FAM78B: variants seen among roughly 807,000 people sequenced by gnomAD.
FAM78B encodes the protein family with sequence similarity 78 member B.
FAM78B carries 10 observed loss-of-function variants against 20.0 expected under a neutral mutation model. That is an observed-to-expected ratio of 0.50 (90% CI 0.31 to 0.85). FAM78B has a LOEUF of 0.85. FAM78B is among the 40% of genes least tolerant of loss of function. The pLI is 0.05. For synonymous variants in FAM78B, 135 were observed against 132.8 expected (o/e 1.02, Z -0.12); for missense variants, 283 against 345.0 (o/e 0.82, Z 1.42).
intron 1 of FAM78B, among the ~76,000 whole-genome samples, chr1:166,082,446 T>C: frequency 6.6e-6 from 1 of 152,190 alleles, no homozygotes. Context: ...GCTCAAATGA[T>C]CTTCCTGCCT....
chr1:166,116,628 G>C (rs982061309), intron 1 of FAM78B, among the ~76,000 whole-genome samples: 1 of 152,144 alleles, frequency 6.6e-6, no homozygotes, highest in African/African-American at 2.4e-5. Flanking sequence ...TTTTTCTCTA[G>C]GACCCTTCAG....
intron 1 of FAM78B, among the ~76,000 whole-genome samples, chr1:166,161,126 G>C (rs938657536): frequency 6.6e-6 from 1 of 152,098 alleles, no homozygotes; most frequent in African/African-American, 2.4e-5. Flanking sequence ...CTTAAGAACA[G>C]AAAATCAGAG....
At position 166,138,593 on chromosome 1, in the gene FAM78B, C is replaced by A. The variant is rs146361156; in HGVS notation, c.263+27393G>T. ...GCCTTAGATTCATGGGATTGCTGGGCTAAAAAAACCTAACAAGGTCATTTA... is the reference window on the plus strand; with the variant it reads ...GCCTTAGATTCATGGGATTGCTGGGATAAAAAAACCTAACAAGGTCATTTA... On this transcript the variant is annotated intron_variant, in intron 1 of 1. Transcript: ENST00000354422. Among the ~76,000 whole-genome samples, 124 of 152,190 alleles carry A rather than the reference C, an allele frequency of 8.1e-4. 1 individual carries two copies. The highest frequency in any genetic ancestry group is 2.7e-3 in the African/African-American group (113 of 41,520).
At chr1:166,121,362 G>T (rs1366831986) in intron 1 of FAM78B, among the ~76,000 whole-genome samples, 1 of 152,126 alleles carries the variant, frequency 6.6e-6, no homozygotes, top group African/African-American at 2.4e-5. Context: ...GGGTTCACAG[G>T]GTAGTGGAGC....
chr1:166,159,751 C>A (rs1467508496), intron 1 of FAM78B, among the ~76,000 whole-genome samples: 1 of 152,218 alleles, frequency 6.6e-6, no homozygotes, highest in Non-Finnish European at 1.5e-5. Context: ...TGTTTCTCCC[C>A]CTCTACATCT....
intron 1 of FAM78B, among the ~76,000 whole-genome samples, chr1:166,129,693 C>T (rs1654799808): frequency 6.6e-6 from 1 of 152,190 alleles, no homozygotes; most frequent in South Asian, 2.1e-4. Context: ...TCGTCCTCTT[C>T]CCTTTCTTCA....
intron 1 of FAM78B, among the ~76,000 whole-genome samples, chr1:166,095,258 G>A (rs1653232563): frequency 6.6e-6 from 1 of 152,058 alleles, no homozygotes; most frequent in South Asian, 2.1e-4. Flanking sequence ...CCTTGAGCAT[G>A]GCATACTCGA....
At position 166,109,860 on chromosome 1, in the gene FAM78B, ATG is replaced by A. The variant is rs1476047343; in HGVS notation, c.264-39099_264-39098del. 8.0e-3 allele frequency among the ~76,000 whole-genome samples: 180 copies of A among 22,406 alleles called. 23 individuals are homozygous for A. The highest frequency in any genetic ancestry group is 0.014 in the African/African-American group (105 of 7,726). 14.7% of individuals were successfully genotyped at this position (22,406 alleles called of 152,430 possible). On this transcript the variant is annotated intron_variant, in intron 1 of 1. Transcript: ENST00000354422. ...TATATGTATATATATATATATATAT[ATG>A]TATGTGTATATATATATATGTATAT...
chr1:166,110,033 A>C (rs542470615), intron 1 of FAM78B, among the ~76,000 whole-genome samples: 4 of 149,440 alleles, frequency 2.7e-5, no homozygotes, highest in African/African-American at 9.8e-5. Flanking sequence ...AAAACCAAAC[A>C]TCGTATGTTC....
rs141608589 is a variant in FAM78B at position 166,086,838 on chromosome 1, C to T, written c.264-16075G>A. 3.3e-3 allele frequency among the ~76,000 whole-genome samples: 496 copies of T among 152,150 alleles called. 4 individuals are homozygous for T. Among genetic ancestry groups the T allele is most frequent in the African/African-American group, 0.011 (469 of 41,510 alleles). On this transcript the variant is annotated intron_variant, in intron 1 of 1. Transcript: ENST00000354422. The stretch of plus-strand genomic sequence containing the variant: ...CAGAGGTGGGGCCACACTGTCCACA[C>T]GTGTGGACAGAGGAATTCACATGGG...
chr1:166,140,373 T>C (rs1421029059), intron 1 of FAM78B, among the ~76,000 whole-genome samples: 1 of 152,234 alleles, frequency 6.6e-6, no homozygotes, highest in Non-Finnish European at 1.5e-5. Context: ...GAAGTGAATA[T>C]GTAAACCGAA....
At chr1:166,056,747 G>C (rs192944802), downstream of FAM78B, among the ~76,000 whole-genome samples, 4 of 152,228 alleles carry the variant, frequency 2.6e-5, no homozygotes, top group African/African-American at 9.6e-5. Context: ...AGAGATGGAA[G>C]GGCAAACTTT....
chr1:166,059,896 C>T (rs1484722345), exon 3 of FAM78B: 3 of 152,102 alleles, frequency 2.0e-5, no homozygotes, highest in Non-Finnish European at 4.4e-5. Context: ...GGGGCTGATG[C>T]TTAAAAAATG....
Position 166,070,329 on chromosome 1 carries a change from G to T in FAM78B, c.698C>A (p.Ala233Glu). Residue 233 changes from alanine to glutamate, a missense_variant, in exon 2 of 2, where the codon GCA becomes GAA. Coordinates refer to ENST00000354422, the MANE Select transcript of FAM78B (RefSeq NM_001017961.5). ...LSRMEPIPPN[A>E]LVKPNANDAQ... Reference sequence around the variant, plus strand: ...ATCATTGGCATTGGGTTTCACTAGTGCATTAGGGGGGATGGGTTCCATCCG... The same window carrying T: ...ATCATTGGCATTGGGTTTCACTAGTTCATTAGGGGGGATGGGTTCCATCCG... The T allele has an allele frequency of 1.2e-6, 2 of 1,608,054 alleles. No homozygotes were observed. Among genetic ancestry groups the T allele is most frequent in the Non-Finnish European group, 8.5e-7 (1 of 1,176,700 alleles).
chr1:166,151,403 C>G (rs562554457), intron 1 of FAM78B, among the ~76,000 whole-genome samples: 1 of 152,236 alleles, frequency 6.6e-6, no homozygotes, highest in East Asian at 1.9e-4. Flanking sequence ...TTCTGATGAC[C>G]AGACGTTTCA....
chr1:166,092,635 C>A (rs1346261440), intron 1 of FAM78B, among the ~76,000 whole-genome samples: 1 of 152,202 alleles, frequency 6.6e-6, no homozygotes. Flanking sequence ...GCTGGCTGTG[C>A]CCACCCAGAA....
intron 1 of FAM78B, among the ~76,000 whole-genome samples, chr1:166,157,245 G>A (rs190284178): frequency 1.3e-3 from 205 of 152,094 alleles, no homozygotes; most frequent in African/African-American, 4.9e-3. Context: ...CAACCTCCCT[G>A]TTCCTTAAGG....
chr1:166,124,979 A>G (rs1039611090), intron 1 of FAM78B, among the ~76,000 whole-genome samples: 3 of 152,108 alleles, frequency 2.0e-5, no homozygotes, highest in African/African-American at 7.2e-5. Context: ...TCTCTTCCCA[A>G]CTCAGCTATA....
rs1651966559 is a variant in FAM78B at position 166,070,244 on chromosome 1, C to A, written c.783G>T (p.Lys261Asn). Residue 261 changes from lysine to asparagine, a missense_variant, in exon 2 of 2, where the codon AAG (lysine) becomes AAT (asparagine). By Grantham distance (94) the Lys-to-Asn change is moderately conservative. Coordinates refer to ENST00000354422, the MANE Select transcript of FAM78B (RefSeq NM_001017961.5). ...RGPPLVVIPP[K>N] ...ACACAGTCAGGCCAGTCTGCTTCTA[C>A]TTAGGAGGGATCACAACCAGAGGTG... The A allele has an allele frequency of 6.5e-7, 1 of 1,541,384 alleles. No homozygotes were observed. Among genetic ancestry groups the A allele is most frequent in the Non-Finnish European group, 8.7e-7 (1 of 1,143,196 alleles).
Sources: allele counts gnomAD v4.1 joint callset (sites outside exome capture counted in the v4.1 genomes callset), GRCh38; gene constraint gnomAD v4.1.1; transcripts MANE v1.5; gene names NCBI Gene and HGNC (gene_info 2026-07-23, HGNC 2026-07-21).